DHRS7B: variants seen among roughly 807,000 people sequenced by gnomAD.
DHRS7B encodes the protein dehydrogenase/reductase 7B, also known as peroxisomal reductase activating PPAR-gamma.
A neutral mutation model predicts 26.4 loss-of-function variants in DHRS7B; 24 were observed. The observed-to-expected ratio is 0.91, with a 90% CI of 0.66 to 1.28. The LOEUF is 1.28. Ranked by LOEUF, DHRS7B falls within the 50% of genes most tolerant of loss-of-function variation. The pLI is 0.00. For synonymous variants in DHRS7B, 142 were observed against 166.4 expected, an observed-to-expected ratio of 0.85 and a Z score of 1.13; for missense variants, 368 against 419.4, an observed-to-expected ratio of 0.88 and a Z score of 1.07.
intron 1 of DHRS7B, chr17:21,166,552 A>G (rs1367684903): frequency 5.6e-6 from 4 of 711,402 alleles, no homozygotes; most frequent in East Asian, 2.6e-4. Context: ...AAAAAAAAAA[A>G]AGGCAGTTTG....
At chr17:21,149,026 ACT>A (rs1335569761) in intron 1 of DHRS7B, among the ~76,000 whole-genome samples, 2 of 152,132 alleles carry the variant, frequency 1.3e-5, no homozygotes, top group African/African-American at 4.8e-5. Context: ...TAATAATCAG[ACT>A]CTTAAAGGTC....
intron 1 of DHRS7B, among the ~76,000 whole-genome samples, chr17:21,138,163 G>A (rs1243986087): frequency 1.5e-5 from 2 of 135,860 alleles, no homozygotes; most frequent in African/African-American, 2.8e-5. Context: ...CTGACCATTC[G>A]TGACATGCTT....
chr17:21,149,746 T>C (rs970523619), intron 1 of DHRS7B, among the ~76,000 whole-genome samples: 4 of 152,148 alleles, frequency 2.6e-5, no homozygotes, highest in African/African-American at 9.7e-5. Flanking sequence ...GTAAGCCTCA[T>C]GGGAACCACA....
intron 3 of DHRS7B, among the ~76,000 whole-genome samples, chr17:21,182,915 A>G (rs374152424): frequency 2.6e-5 from 4 of 152,310 alleles, no homozygotes; most frequent in East Asian, 1.9e-4. Flanking sequence ...TGAATTAGGA[A>G]ATGTTTTCTC....
At chr17:21,166,828 G>A (rs1280972092) in intron 1 of DHRS7B, among the ~76,000 whole-genome samples, 2 of 152,142 alleles carry the variant, frequency 1.3e-5, no homozygotes, top group Non-Finnish European at 2.9e-5. Flanking sequence ...ATTTTCTTGT[G>A]TGTAACATGG....
At chr17:21,130,008 C>T (rs1973194489) in intron 1 of DHRS7B, among the ~76,000 whole-genome samples, 1 of 152,214 alleles carries the variant, frequency 6.6e-6, no homozygotes. Context: ...CATGAAACAG[C>T]TCTATGATAA....
intron 1 of DHRS7B, among the ~76,000 whole-genome samples, chr17:21,164,029 G>GTTTTTTTTTTTTTTTTTTTT (rs1476090515): frequency 2.3e-5 from 1 of 43,816 alleles, no homozygotes; most frequent in African/African-American, 1.0e-4. Flanking sequence ...CAATTGTTGT[G>GTTTTTTTTTTTTTTTTTTTT]CTTTTTTTTT....
chr17:21,153,831 T>G (rs1485491863), intron 1 of DHRS7B, among the ~76,000 whole-genome samples: 1 of 152,096 alleles, frequency 6.6e-6, no homozygotes, highest in Non-Finnish European at 1.5e-5. Context: ...TACTATTGGA[T>G]TGGGGATACA....
intron 1 of DHRS7B, among the ~76,000 whole-genome samples, chr17:21,131,542 A>G (rs542624957): frequency 4.6e-5 from 7 of 152,148 alleles, no homozygotes; most frequent in Non-Finnish European, 1.0e-4. Flanking sequence ...TCTTTACCTC[A>G]GCCTGCTTTA....
chr17:21,185,612 A>T (rs1196699701), intron 5 of DHRS7B, among the ~76,000 whole-genome samples: 1 of 152,236 alleles, frequency 6.6e-6, no homozygotes, highest in Non-Finnish European at 1.5e-5. Flanking sequence ...TGGTTCAGGA[A>T]AAAACAATTA....
chr17:21,188,376 G>C (rs1045526047), intron 5 of DHRS7B, among the ~76,000 whole-genome samples: 2 of 152,146 alleles, frequency 1.3e-5, no homozygotes, highest in Non-Finnish European at 2.9e-5. Flanking sequence ...CTGGAGACAT[G>C]ATGCTCATTT....
At position 21,184,442 on chromosome 17, in the gene DHRS7B, A is replaced by G; in HGVS notation, c.598A>G (p.Ser200Gly). Reference protein sequence around the residue: ...VAISSIQGKMSIPFRSAYAAS... With the variant: ...VAISSIQGKMGIPFRSAYAAS... Reference sequence around the variant, plus strand: ...CATCAGCAGCATCCAGGGCAAGATGAGCATTCCTTTTCGATCAGCATGTGA... The same window carrying G: ...CATCAGCAGCATCCAGGGCAAGATGGGCATTCCTTTTCGATCAGCATGTGA... Residue 200 changes from serine (S) to glycine (G), a missense_variant, in exon 5 of 7, where the codon AGC becomes GGC. Ser to Gly is a moderately conservative substitution (Grantham distance 56). Coordinates refer to ENST00000395511, the MANE Select transcript of DHRS7B (RefSeq NM_015510.5). 6.2e-7 allele frequency: 1 copy of G among 1,614,200 alleles called. No homozygotes were observed. Among genetic ancestry groups the G allele is most frequent in the East Asian group, 2.2e-5 (1 of 44,886 alleles).
rs184491635 is a variant in DHRS7B at position 21,130,758 on chromosome 17, A to G, written c.20+3767A>G. On this transcript the variant is annotated intron_variant, in intron 1 of 6. Coordinates refer to ENST00000395511, the MANE Select transcript of DHRS7B (RefSeq NM_015510.5). ...AAAATGTTGGACTAGAGCAACATCC[A>G]TAATGTTGGATGGTGTAGGAATTAT... 2.2e-4 allele frequency among the ~76,000 whole-genome samples: 33 copies of G among 152,376 alleles called. 1 individual carries two copies. The highest frequency in any genetic ancestry group is 1.8e-3 in the Admixed American group (28 of 15,312).
At position 21,144,875 on chromosome 17, in the gene DHRS7B, G is replaced by A. The variant is rs144543910; in HGVS notation, c.20+17884G>A. On this transcript the variant is annotated intron_variant, in intron 1 of 6. Transcript: ENST00000395511. ...AAAAGTAGGTATTGTAACTTGGAGT[G>A]TACAGATGGGCTTCAAGAGTTTTGT... is the stretch of plus-strand genomic sequence containing the variant. Among the ~76,000 whole-genome samples the A allele has an allele frequency of 2.9e-4, 44 of 152,170 alleles. No homozygotes were observed. The East Asian group carries it at 7.9e-3, about 27-fold the overall frequency.
chr17:21,177,591 G>T (rs1003342305), intron 2 of DHRS7B, among the ~76,000 whole-genome samples: 1 of 152,166 alleles, frequency 6.6e-6, no homozygotes, highest in Non-Finnish European at 1.5e-5. Flanking sequence ...ATAGTCCTGC[G>T]TGTGGCAGGT....
chr17:21,138,101 T>TATATACACACAC (rs1555536219), intron 1 of DHRS7B, among the ~76,000 whole-genome samples: 1 of 86,146 alleles, frequency 1.2e-5, no homozygotes, highest in African/African-American at 5.6e-5. Context: ...TATATATATA[T>TATATACACACAC]ACACACACAC....
At chr17:21,165,744 C>T (rs762018251) in intron 1 of DHRS7B, among the ~76,000 whole-genome samples, 7 of 151,872 alleles carry the variant, frequency 4.6e-5, no homozygotes, top group African/African-American at 7.3e-5. Flanking sequence ...GGTGAAACCC[C>T]GTCTCTACTA....
intron 1 of DHRS7B, among the ~76,000 whole-genome samples, chr17:21,139,295 G>A (rs1401211957): frequency 6.6e-6 from 1 of 152,142 alleles, no homozygotes; most frequent in Admixed American, 6.6e-5. Context: ...CACAAGCGAA[G>A]ATCATTCTGT....
rs147785768 is a variant in DHRS7B at position 21,183,727 on chromosome 17, G to A, written c.443G>A (p.Arg148His). 5.6e-5 allele frequency: 90 copies of A among 1,614,122 alleles called. No homozygotes were observed. Among genetic ancestry groups the A allele is most frequent in the Non-Finnish European group, 7.4e-5 (87 of 1,180,052 alleles). ...GTCAACAATGCTGGGATCAGCTACC[G>A]TGGTACCATCATGGACACCACAGTG... ...ILVNNAGISY[R>H]GTIMDTTVDV... Residue 148 changes from arginine to histidine, a missense_variant, in exon 4 of 7, where the codon CGT becomes CAT. By Grantham distance (29) the Arg-to-His change is conservative. Coordinates refer to ENST00000395511, the MANE Select transcript of DHRS7B (RefSeq NM_015510.5).
Sources: allele counts gnomAD v4.1 joint callset (sites outside exome capture counted in the v4.1 genomes callset), GRCh38; gene constraint gnomAD v4.1.1; transcripts MANE v1.5; gene names NCBI Gene and HGNC (gene_info 2026-07-23, HGNC 2026-07-21).